Variants in FRY observed in about 807,000 individuals in gnomAD.
FRY encodes FRY microtubule binding protein, also known as protein furry homolog.
Under a neutral mutation model 348.4 loss-of-function variants are expected in FRY, and 128 were observed. The ratio of observed to expected loss-of-function variants is 0.37; its 90% CI spans 0.32 to 0.43. The LOEUF is 0.43. FRY is among the 20% of genes least tolerant of loss of function. The pLI is 1.00. For missense variants in FRY, 2,736 were observed against 3,695.2 expected (o/e 0.74, Z 6.73); for synonymous variants, 1,370 against 1,374.7 (o/e 1.00, Z 0.08).
chr13:32,059,458 C>CAAAAAAAAA (rs10692049), intron 1 of FRY, among the ~76,000 whole-genome samples: 1 of 111,438 alleles, frequency 9.0e-6, no homozygotes, highest in Non-Finnish European at 1.8e-5. Context: ...ACTTAGGAAG[C>CAAAAAAAAA]AAAAAAAAAA....
chr13:32,137,162 G>A (rs1451789161), intron 11 of FRY, among the ~76,000 whole-genome samples, 190 bp downstream of exon 11: 1 of 152,152 alleles, frequency 6.6e-6, no homozygotes. Flanking sequence ...CTAGGAATAA[G>A]ATAAATCACT....
chr13:32,072,228 A>G (rs1230212691), intron 1 of FRY, among the ~76,000 whole-genome samples: 1 of 152,250 alleles, frequency 6.6e-6, no homozygotes, highest in East Asian at 1.9e-4. Flanking sequence ...TGGGAGGAAT[A>G]TTTCACATTA....
intron 29 of FRY, among the ~76,000 whole-genome samples, chr13:32,197,453 TA>T (rs1359434035): frequency 6.6e-6 from 1 of 152,132 alleles, no homozygotes; most frequent in Non-Finnish European, 1.5e-5. Flanking sequence ...CCATCTGGAG[TA>T]TTTCAGGAGA....
chr13:32,260,811 ACT>A (rs1050849903), intron 51 of FRY, among the ~76,000 whole-genome samples: 1 of 150,056 alleles, frequency 6.7e-6, no homozygotes, highest in Non-Finnish European at 1.5e-5. Flanking sequence ...CAACAGCAAG[ACT>A]CTGTCTCAAA....
At chr13:32,201,582 C>T (rs1046938567) in intron 29 of FRY, among the ~76,000 whole-genome samples, 6 of 151,856 alleles carry the variant, frequency 4.0e-5, no homozygotes, top group Non-Finnish European at 8.8e-5. Context: ...AAATTTAGTA[C>T]ATGTATCCTT....
chr13:32,105,361 G>A (rs1046928973), intron 3 of FRY, among the ~76,000 whole-genome samples: 3 of 152,194 alleles, frequency 2.0e-5, no homozygotes, highest in Non-Finnish European at 4.4e-5. Flanking sequence ...ACCTGCTGGT[G>A]ACTTGATCTT....
chr13:32,089,484 TG>T (rs2138577950), intron 2 of FRY, among the ~76,000 whole-genome samples: 1 of 151,986 alleles, frequency 6.6e-6, no homozygotes, highest in South Asian at 2.1e-4. Flanking sequence ...GAATGTCTGG[TG>T]GGCACAGTGG....
In FRY at chr13:32,209,734, AAGTGTCTCTC is replaced by A; in HGVS notation, c.4422+6_4422+15del. 1 of 1,614,024 alleles carries A rather than the reference AAGTGTCTCTC, an allele frequency of 6.2e-7. No homozygotes were observed. Among genetic ancestry groups the A allele is most frequent in the African/African-American group, 1.3e-5 (1 of 75,036 alleles). ...GCGACACAGTTCTCCTACCCTATGTAAGTGTCTCTCAGCCCTTCAAGAGTGATTATTCCTG... is the reference window on the plus strand; with the variant it reads ...GCGACACAGTTCTCCTACCCTATGTAAGCCCTTCAAGAGTGATTATTCCTG... On this transcript the variant is annotated splice_donor_5th_base_variant and intron_variant, in intron 33 of 60. Coordinates refer to ENST00000542859, the MANE Select transcript of FRY (RefSeq NM_023037.3).
Position 32,237,832 on chromosome 13 carries a change from C to A in FRY, c.6264C>A (p.Leu2088=). The change falls in exon 44 of 61, where the codon CTC becomes CTA. Residue 2088 remains leucine (L), a synonymous_variant. Coordinates refer to ENST00000542859, the MANE Select transcript of FRY (RefSeq NM_023037.3). This position sits in a 1 kb window ranked among gnomAD's most constrained non-coding sequence, Gnocchi z 6.3. ...AGAACCGAGAAAAGCTTGAGAAACT[C>A]CAGGCACAGCTGAAGTGGGCCGACT... ...KAENREKLEK[L]QAQLKWADFS... is the part of the protein sequence containing the mutation. 6.2e-7 allele frequency: 1 copy of A among 1,614,190 alleles called. No homozygotes were observed. Among genetic ancestry groups the A allele is most frequent in the Non-Finnish European group, 8.5e-7 (1 of 1,180,034 alleles).
intron 19 of FRY, among the ~76,000 whole-genome samples, chr13:32,174,802 A>G (rs1458862502): frequency 6.6e-6 from 1 of 152,160 alleles, no homozygotes; most frequent in Non-Finnish European, 1.5e-5. Flanking sequence ...TTTTGAGTAA[A>G]TAATTTTATA....
chr13:32,224,985 C>T lies in FRY; in HGVS notation c.4969C>T (p.Arg1657Ter), dbSNP rs768433810. 2 of 1,611,834 alleles carry T rather than the reference C, an allele frequency of 1.2e-6. No individual in the cohort carries two copies. The highest frequency in any genetic ancestry group is 1.1e-5 in the South Asian group (1 of 91,038). ...TGAAATGGTGGTGGATCACAGTGTA[C>T]GAGAAGACTGGGCGCTTCATCTACC... ...MTEMVVDHSVREDWALHLPLL... is the reference protein window; with the variant it reads ...MTEMVVDHSV Residue 1657 changes from arginine (R) to a stop codon, truncating the protein, a stop_gained, in exon 38 of 61, where the codon CGA becomes TGA. Coordinates refer to ENST00000542859, the MANE Select transcript of FRY (RefSeq NM_023037.3). LOFTEE classifies it high-confidence loss of function.
Position 32,178,817 on chromosome 13 carries a change from C to T in FRY, c.2682-27C>T, listed in dbSNP as rs1178130901. 5.9e-6 allele frequency: 9 copies of T among 1,519,476 alleles called. No homozygotes were observed. In the East Asian group the frequency reaches 1.4e-4, roughly 23 times the overall value. 94.1% of individuals were successfully genotyped at this position (1,519,476 alleles called of 1,614,324 possible). A position where few individuals can be genotyped will look rare whatever the true frequency, so the allele number is the denominator to read the frequency against. On this transcript the variant is annotated intron_variant, in intron 21 of 60. Transcript: ENST00000542859. ...ATTTAAAATCCAGAACTTAGTTTCA[C>T]TCTTGTTTTCGACTCCATATTTCTA...
At chr13:32,138,870 G>A (rs183247714) in intron 11 of FRY, among the ~76,000 whole-genome samples, 2 of 152,158 alleles carry the variant, frequency 1.3e-5, no homozygotes, top group Non-Finnish European at 1.5e-5. Context: ...TTCAAAATGC[G>A]TGATGCAGAC....
intron 2 of FRY, among the ~76,000 whole-genome samples, chr13:32,100,722 A>G (rs1224442174): frequency 6.6e-6 from 1 of 152,212 alleles, no homozygotes; most frequent in Admixed American, 6.5e-5. Context: ...TGGCTTATCA[A>G]CAATAGACAT....
intron 35 of FRY, among the ~76,000 whole-genome samples, chr13:32,216,021 T>G (rs370092914): frequency 1.3e-5 from 2 of 152,208 alleles, no homozygotes; most frequent in East Asian, 3.8e-4. Flanking sequence ...CTATCTAAAT[T>G]GATAGTGTTG....
intron 1 of FRY, among the ~76,000 whole-genome samples, chr13:32,063,101 T>C (rs1382546907): frequency 1.3e-5 from 2 of 152,198 alleles, no homozygotes; most frequent in South Asian, 2.1e-4. Flanking sequence ...CTCTGCATCA[T>C]GTAATCCCCA....
chr13:32,171,302 T>C (rs1882043850), intron 18 of FRY, 32 bp downstream of exon 18: 1 of 1,165,696 alleles, frequency 8.6e-7, no homozygotes. Context: ...TGAATTTATA[T>C]TCTTTTTTTT....
chr13:32,259,707 C>G (rs922111447), intron 51 of FRY, among the ~76,000 whole-genome samples: 1 of 152,162 alleles, frequency 6.6e-6, no homozygotes, highest in Admixed American at 6.5e-5. Context: ...AGTTAGTATT[C>G]TGATTTTTCT....
rs745986565 is a variant in FRY, at chr13:32,228,679, G to A, written c.5405+25G>A. The stretch of plus-strand genomic sequence containing the variant: ...GGTAATAAGGGGTTAGGAGTCCGCT[G>A]CTGTTTGCAGGTTGGTCTTTCGGAA... On this transcript the variant is annotated intron_variant, in intron 40 of 60. Coordinates refer to ENST00000542859, the MANE Select transcript of FRY (RefSeq NM_023037.3). The A allele has an allele frequency of 3.7e-6, 6 of 1,604,754 alleles. No homozygotes were observed. The East Asian group carries it at 1.3e-4, about 36-fold the overall frequency.
Sources: allele counts gnomAD v4.1 joint callset (sites outside exome capture counted in the v4.1 genomes callset), GRCh38; gene constraint gnomAD v4.1.1; non-coding constraint Gnocchi (gnomAD v3.1); transcripts MANE v1.5; gene names NCBI Gene and HGNC (gene_info 2026-07-23, HGNC 2026-07-21).